The following COL23A1 variants were observed in gnomAD, a reference collection of about 807,000 sequenced individuals.
The protein encoded by COL23A1 is collagen type XXIII alpha 1 chain, also known as collagen alpha-1(XXIII) chain.
Under a neutral mutation model 99.3 loss-of-function variants are expected in COL23A1, and 97 were observed. That is an observed-to-expected ratio of 0.98 (90% CI 0.83 to 1.16). The LOEUF is 1.16. Ranked by LOEUF, COL23A1 falls within the 50% of genes most tolerant of loss-of-function variation. The pLI, the probability that COL23A1 is intolerant of heterozygous loss-of-function variation, is 0.00. For missense variants in COL23A1, 762 were observed against 757.4 expected (o/e 1.01, Z -0.07); for synonymous variants, 320 against 308.2 (o/e 1.04, Z -0.40).
At chr5:178,518,022 TC>T (rs1404708365) in intron 2 of COL23A1, among the ~76,000 whole-genome samples, 11 of 129,944 alleles carry the variant, frequency 8.5e-5, no homozygotes, top group Non-Finnish European at 1.7e-4. Flanking sequence ...TCTCTGGTTT[TC>T]CTAGGCAGAG....
At chr5:178,378,203 T>G (rs35566599) in intron 2 of COL23A1, 1 of 151,930 alleles carries the variant, frequency 6.6e-6, no homozygotes, top group African/African-American at 2.4e-5. Flanking sequence ...CTGGACAACA[T>G]AGTGAGACCC....
At chr5:178,325,447 C>T (rs116392247) in intron 2 of COL23A1, among the ~76,000 whole-genome samples, 1 of 152,168 alleles carries the variant, frequency 6.6e-6, no homozygotes, top group African/African-American at 2.4e-5. Context: ...TGCTACACCC[C>T]CTGAGCTGTG....
At chr5:178,373,442 C>G (rs1581253748) in intron 2 of COL23A1, among the ~76,000 whole-genome samples, 2 of 151,994 alleles carry the variant, frequency 1.3e-5, no homozygotes, top group African/African-American at 4.8e-5. Flanking sequence ...TTGAGACAGA[C>G]TCTCCCTCTG....
chr5:178,254,945 C>G lies in COL23A1; in HGVS notation c.960+4G>C. 6.2e-7 allele frequency: 1 copy of G among 1,612,648 alleles called. No homozygotes were observed. The highest frequency in any genetic ancestry group is 8.5e-7 in the Non-Finnish European group (1 of 1,179,018). On this transcript the variant is annotated splice_donor_region_variant and intron_variant, in intron 16 of 28. Transcript: ENST00000390654. Reference sequence around the variant, plus strand: ...GCACATCCTGGTCCCACCAGGAACACTACCTTGAGGGCATCCAAGATCCTG... The same window carrying G: ...GCACATCCTGGTCCCACCAGGAACAGTACCTTGAGGGCATCCAAGATCCTG...
chr5:178,258,262 T>TATATATATATATATATATATATAC lies in COL23A1; in HGVS notation c.730-696_730-695insGTATATATATATATATATATATAT. Among the ~76,000 whole-genome samples, 258 of 104,010 alleles carry TATATATATATATATATATATATAC rather than the reference T, an allele frequency of 2.5e-3. 16 individuals carry two copies. Among genetic ancestry groups the TATATATATATATATATATATATAC allele is most frequent in the Admixed American group, 6.9e-3 (66 of 9,626 alleles). 68.2% of individuals were successfully genotyped at this position (104,010 alleles called of 152,430 possible). Reference sequence around the variant, plus strand: ...ATATATATATATATATATATATATATACACATGCAAATCAATTCTAGGCAC... The same window carrying TATATATATATATATATATATATAC: ...ATATATATATATATATATATATATATATATATATATATATATATATATACACACATGCAAATCAATTCTAGGCAC... On this transcript the variant is annotated intron_variant, in intron 12 of 28. Coordinates refer to ENST00000390654, the MANE Select transcript of COL23A1 (RefSeq NM_173465.4).
intron 2 of COL23A1, among the ~76,000 whole-genome samples, chr5:178,526,670 T>C (rs961028146): frequency 3.3e-5 from 5 of 152,108 alleles, no homozygotes; most frequent in African/African-American, 9.7e-5. Flanking sequence ...CTAGCGAGTC[T>C]ACAATGGGGT....
chr5:178,364,762 G>C (rs538396464), intron 2 of COL23A1, among the ~76,000 whole-genome samples: 6 of 152,306 alleles, frequency 3.9e-5, no homozygotes, highest in South Asian at 2.1e-4. Context: ...AAGGCACCTG[G>C]ATCTACAAAA....
intron 2 of COL23A1, among the ~76,000 whole-genome samples, chr5:178,356,851 T>C (rs914586274): frequency 1.3e-5 from 2 of 151,876 alleles, no homozygotes; most frequent in Admixed American, 1.3e-4. Flanking sequence ...ACCCTGGTGC[T>C]GGTCCCCACT....
intron 2 of COL23A1, among the ~76,000 whole-genome samples, chr5:178,372,636 G>T (rs1388438360): frequency 6.6e-6 from 1 of 151,250 alleles, no homozygotes; most frequent in African/African-American, 2.4e-5. Flanking sequence ...GCAGTGGTGA[G>T]GTCACAGCTC....
chr5:178,256,259 G>T (rs1213262329), intron 15 of COL23A1, 94 bp downstream of exon 15: 10 of 827,366 alleles, frequency 1.2e-5, no homozygotes, highest in Non-Finnish European at 8.7e-6. Flanking sequence ...TAGCTCCACT[G>T]CTCCTCTGGG....
intron 2 of COL23A1, among the ~76,000 whole-genome samples, chr5:178,352,640 C>T (rs1310843303): frequency 6.6e-6 from 1 of 152,250 alleles, no homozygotes; most frequent in Non-Finnish European, 1.5e-5. Context: ...AGCTAAGAGA[C>T]AAGGGCGATC....
intron 2 of COL23A1, among the ~76,000 whole-genome samples, chr5:178,358,223 AAT>A (rs901178759): frequency 9.7e-5 from 6 of 61,932 alleles, no homozygotes; most frequent in African/African-American, 3.1e-4. Context: ...ATGTGTGTCT[AAT>A]GTGTGTATGT....
chr5:178,539,875 G>A lies in COL23A1; in HGVS notation c.361+20807C>T, dbSNP rs1201565349. On this transcript the variant is annotated intron_variant, in intron 2 of 28. Coordinates refer to ENST00000390654, the MANE Select transcript of COL23A1 (RefSeq NM_173465.4). ...GATGCAAATCCTAAACAAAAGATTAGCAAATTGAATCCAGCAACATATTAA... is the reference window on the plus strand; with the variant it reads ...GATGCAAATCCTAAACAAAAGATTAACAAATTGAATCCAGCAACATATTAA... 2.6e-5 allele frequency among the ~76,000 whole-genome samples: 4 copies of A among 152,178 alleles called. No individual in the cohort carries two copies. The East Asian group carries it at 7.7e-4, about 29-fold the overall frequency.
At chr5:178,507,503 T>C (rs1287332437) in intron 2 of COL23A1, among the ~76,000 whole-genome samples, 1 of 152,236 alleles carries the variant, frequency 6.6e-6, no homozygotes, top group East Asian at 1.9e-4. Context: ...AATAATAGTT[T>C]CTAGCTCACA....
chr5:178,352,616 G>A (rs565943202), intron 2 of COL23A1, among the ~76,000 whole-genome samples: 20 of 152,356 alleles, frequency 1.3e-4, no homozygotes, highest in South Asian at 8.3e-4. Context: ...TCTCCAGAGA[G>A]GAATGCTGCA....
chr5:178,401,494 T>C (rs1341474557), intron 2 of COL23A1, among the ~76,000 whole-genome samples: 2 of 152,250 alleles, frequency 1.3e-5, no homozygotes, highest in African/African-American at 4.8e-5. Flanking sequence ...CAATAGTCTG[T>C]TCCTGTTTAT....
intron 2 of COL23A1, among the ~76,000 whole-genome samples, chr5:178,407,794 A>T (rs1356524745): frequency 6.7e-6 from 1 of 150,192 alleles, no homozygotes; most frequent in Non-Finnish European, 1.5e-5. Flanking sequence ...AACAGAGAGA[A>T]AATAGACTAG....
At chr5:178,523,143 AATATATATATATATATATAC>A (rs1175259068) in intron 2 of COL23A1, among the ~76,000 whole-genome samples, 12 of 106,218 alleles carry the variant, frequency 1.1e-4, no homozygotes, top group African/African-American at 3.2e-4. Flanking sequence ...TCTATTTAAA[AATATATATATATATATATAC>A]ATATATATAT....
intron 2 of COL23A1, among the ~76,000 whole-genome samples, chr5:178,510,856 A>G (rs565503134): frequency 1.3e-5 from 2 of 152,324 alleles, no homozygotes; most frequent in Admixed American, 1.3e-4. Context: ...AAACCTGGAT[A>G]TAATGTAAAT....
Sources: allele counts gnomAD v4.1 joint callset (sites outside exome capture counted in the v4.1 genomes callset), GRCh38; gene constraint gnomAD v4.1.1; transcripts MANE v1.5; gene names NCBI Gene and HGNC (gene_info 2026-07-23, HGNC 2026-07-21).